The following ROR1 variants were observed in gnomAD, a reference collection of about 807,000 sequenced individuals.
ROR1 encodes the protein ROR family WNT receptor 1, also known as inactive tyrosine-protein kinase transmembrane receptor ROR1.
In ROR1, 19 loss-of-function variants were observed where a neutral mutation model predicts 78.8. The observed-to-expected ratio is 0.24, with a 90% CI of 0.17 to 0.35. The LOEUF (loss-of-function observed/expected upper bound fraction) is 0.35, where lower values mean the gene tolerates loss of function less well. ROR1 is among the 10% of genes least tolerant of loss of function. The pLI, the probability that ROR1 is intolerant of heterozygous loss-of-function variation, is 1.00. For missense variants in ROR1, 917 were observed against 1,177.8 expected (o/e 0.78, Z 3.24); for synonymous variants, 386 against 433.6 (o/e 0.89, Z 1.36).
intron 4 of ROR1, among the ~76,000 whole-genome samples, chr1:64,132,619 G>A (rs531459483): frequency 8.6e-5 from 13 of 152,026 alleles, no homozygotes; most frequent in African/African-American, 1.9e-4. Flanking sequence ...AATTAGCCAG[G>A]CATGGTAGCA....
At chr1:63,921,987 A>T (rs894453164) in intron 1 of ROR1, among the ~76,000 whole-genome samples, 3 of 152,162 alleles carry the variant, frequency 2.0e-5, no homozygotes, top group African/African-American at 7.2e-5. Context: ...ACTTTGGTTT[A>T]TGTCTCTCTG....
At chr1:64,159,532 A>G (rs1649877519) in intron 8 of ROR1, among the ~76,000 whole-genome samples, 1 of 152,174 alleles carries the variant, frequency 6.6e-6, no homozygotes, top group African/African-American at 2.4e-5. Flanking sequence ...ATACTTTTCC[A>G]TCCAAATTGC....
rs188005099 is a variant in ROR1 at position 63,940,537 on chromosome 1, A to G, written c.92-68768A>G. ...GATAGATAGATAGATAGATAGATAG[A>G]TAGATAATGTGAAGGAAAGGAAAGG... On this transcript the variant is annotated intron_variant, in intron 1 of 8. Transcript: ENST00000371079. Among the ~76,000 whole-genome samples the G allele has an allele frequency of 2.8e-4, 42 of 152,062 alleles. 1 individual carries two copies. The highest frequency in any genetic ancestry group is 2.1e-3 in the Admixed American group (32 of 15,266).
chr1:64,072,510 T>A (rs1647012505), intron 4 of ROR1, among the ~76,000 whole-genome samples: 1 of 152,106 alleles, frequency 6.6e-6, no homozygotes, highest in Admixed American at 6.5e-5. Context: ...AGATGAGACA[T>A]AAGGGATTGT....
intron 1 of ROR1, among the ~76,000 whole-genome samples, chr1:63,872,351 T>G (rs1396797710): frequency 6.6e-6 from 1 of 152,160 alleles, no homozygotes; most frequent in Non-Finnish European, 1.5e-5. Flanking sequence ...ATATAGGCAC[T>G]GGTGACACAT....
chr1:64,042,487 G>T (rs774849956), intron 2 of ROR1, among the ~76,000 whole-genome samples: 3 of 152,172 alleles, frequency 2.0e-5, no homozygotes, highest in Non-Finnish European at 4.4e-5. Context: ...TTGGTGTGAC[G>T]CAGTCTATTA....
At chr1:64,131,712 T>G (rs1648918492) in intron 4 of ROR1, among the ~76,000 whole-genome samples, 1 of 152,188 alleles carries the variant, frequency 6.6e-6, no homozygotes, top group African/African-American at 2.4e-5. Context: ...ACTCCTGGAC[T>G]CAAGCAATCC....
intron 1 of ROR1, among the ~76,000 whole-genome samples, chr1:63,912,453 C>T (rs1645578914): frequency 6.6e-6 from 1 of 152,080 alleles, no homozygotes; most frequent in Admixed American, 6.6e-5. Flanking sequence ...AGGGGTCTGT[C>T]TGAGGGAAGT....
At chr1:63,994,941 A>G (rs1270302404) in intron 1 of ROR1, among the ~76,000 whole-genome samples, 2 of 152,244 alleles carry the variant, frequency 1.3e-5, no homozygotes, top group African/African-American at 4.8e-5. Context: ...AAATGCTGAT[A>G]GCTGTGGGAG....
intron 1 of ROR1, among the ~76,000 whole-genome samples, chr1:63,963,354 G>C (rs1214148676): frequency 7.6e-6 from 1 of 131,398 alleles, no homozygotes. Context: ...GATCACCTGA[G>C]GTCGGGAGTT....
At chr1:63,806,316 ATTT>A (rs370972368) in intron 1 of ROR1, among the ~76,000 whole-genome samples, 2 of 87,252 alleles carry the variant, frequency 2.3e-5, no homozygotes, top group Admixed American at 1.1e-4. Flanking sequence ...CTGTCAGACT[ATTT>A]TTTTTTTTTT....
intron 2 of ROR1, among the ~76,000 whole-genome samples, chr1:64,034,866 A>G (rs74081030): frequency 0.023 from 3,475 of 152,292 alleles, 51 homozygotes; most frequent in South Asian, 0.034. Flanking sequence ...GATGGTCAAA[A>G]TGTCAAAAAT....
chr1:63,959,535 T>C (rs1432578784), intron 1 of ROR1, among the ~76,000 whole-genome samples: 4 of 152,212 alleles, frequency 2.6e-5, no homozygotes, highest in African/African-American at 7.2e-5. Context: ...TCCTCCTTCC[T>C]TCTAAGGATC....
At chr1:64,098,567 A>G (rs1260277836) in intron 4 of ROR1, among the ~76,000 whole-genome samples, 1 of 152,184 alleles carries the variant, frequency 6.6e-6, no homozygotes, top group Admixed American at 6.5e-5. Flanking sequence ...TGCTAGGTGC[A>G]GACCTGGCTT....
In ROR1 at chr1:64,120,505, CT is replaced by C. The variant is rs564225977; in HGVS notation, c.483-16854del. Among the ~76,000 whole-genome samples the C allele has an allele frequency of 1.0e-3, 151 of 149,970 alleles. No homozygotes were observed. In the Middle Eastern group the frequency reaches 0.017, roughly 17 times the overall value. ...AAAAATATGAATGAGATATTTTACT[CT>C]TTTTTTTTTCTTTGGTACTAAGTCT... On this transcript the variant is annotated intron_variant, in intron 4 of 8. Coordinates refer to ENST00000371079, the MANE Select transcript of ROR1 (RefSeq NM_005012.4).
chr1:64,139,476 G>A (rs1056663837), intron 5 of ROR1, among the ~76,000 whole-genome samples: 5 of 152,116 alleles, frequency 3.3e-5, no homozygotes, highest in African/African-American at 7.2e-5. Flanking sequence ...AGGCTGGTGC[G>A]CTTTTTGTGC....
chr1:64,165,306 C>T (rs1228258047), intron 8 of ROR1, among the ~76,000 whole-genome samples: 1 of 152,106 alleles, frequency 6.6e-6, no homozygotes, highest in African/African-American at 2.4e-5. Context: ...GATGGTGTCT[C>T]ATTGTGGTTT....
Position 64,157,344 on chromosome 1 carries a change from G to A in ROR1, c.1175-1637G>A, listed in dbSNP as rs147064011. Among the ~76,000 whole-genome samples the A allele has an allele frequency of 2.1e-3, 324 of 152,074 alleles. 7 individuals carry two copies. The highest frequency in any genetic ancestry group is 7.5e-3 in the African/African-American group (312 of 41,494). ...TGTAGAGATGGGGTTTCGCCATGTTGCCTAGGCTGGTCTCAAATTCCTAGG... is the reference window on the plus strand; with the variant it reads ...TGTAGAGATGGGGTTTCGCCATGTTACCTAGGCTGGTCTCAAATTCCTAGG... On this transcript the variant is annotated intron_variant, in intron 7 of 8. Coordinates refer to ENST00000371079, the MANE Select transcript of ROR1 (RefSeq NM_005012.4).
intron 4 of ROR1, among the ~76,000 whole-genome samples, chr1:64,084,827 G>A (rs192037249): frequency 3.3e-5 from 5 of 152,350 alleles, no homozygotes; most frequent in East Asian, 3.9e-4. Context: ...CAACGCGACA[G>A]GCCAGCTTTT....
Sources: gnomAD v4.1 joint callset for allele counts (sites outside exome capture counted in the v4.1 genomes callset) on GRCh38, gnomAD v4.1.1 for gene constraint, MANE v1.5 for transcripts, NCBI Gene and HGNC (gene_info 2026-07-23, HGNC 2026-07-21) for gene names.